The following MYRIP variants were observed in gnomAD, a reference collection of about 807,000 sequenced individuals.
The protein encoded by MYRIP is myosin VIIA and Rab interacting protein.
A neutral mutation model predicts 98.0 loss-of-function variants in MYRIP; 49 were observed. That is an observed-to-expected ratio of 0.50 (90% CI 0.40 to 0.63). The LOEUF (loss-of-function observed/expected upper bound fraction) is 0.63, where lower values mean the gene tolerates loss of function less well. Ranked by LOEUF, MYRIP falls within the 30% of genes least tolerant of loss-of-function variation. MYRIP has a pLI of 0.00. For missense variants in MYRIP, 1,004 were observed against 1,058.2 expected, an observed-to-expected ratio of 0.95 and a Z score of 0.71; for synonymous variants, 404 against 409.5, an observed-to-expected ratio of 0.99 and a Z score of 0.16.
intron 1 of MYRIP, among the ~76,000 whole-genome samples, chr3:39,869,003 T>C (rs1315311130): frequency 1.3e-5 from 2 of 152,160 alleles, no homozygotes; most frequent in Non-Finnish European, 2.9e-5. Context: ...TTTTCTTTGG[T>C]TTTTGACAGT....
chr3:40,060,845 G>A (rs1200247723), intron 3 of MYRIP, among the ~76,000 whole-genome samples: 1 of 151,846 alleles, frequency 6.6e-6, no homozygotes, highest in Non-Finnish European at 1.5e-5. Context: ...CACCTGCCTC[G>A]GCCTCCCAAA....
chr3:40,075,984 C>T (rs892472786), intron 3 of MYRIP, among the ~76,000 whole-genome samples: 3 of 152,006 alleles, frequency 2.0e-5, no homozygotes, highest in Non-Finnish European at 4.4e-5. Flanking sequence ...TCACTTGAGC[C>T]CAGGAGTTCG....
intron 1 of MYRIP, among the ~76,000 whole-genome samples, chr3:39,812,652 T>C (rs79190983): frequency 0.014 from 2,073 of 152,358 alleles, 53 homozygotes; most frequent in African/African-American, 0.046. Context: ...AGGAAGTATT[T>C]TGAATTCCTC....
At chr3:40,208,626 T>TC (rs1951842951) in intron 10 of MYRIP, among the ~76,000 whole-genome samples, 1 of 152,242 alleles carries the variant, frequency 6.6e-6, no homozygotes, top group African/African-American at 2.4e-5. Flanking sequence ...AAGGTCCTTG[T>TC]ACCATCTCAA....
chr3:40,218,612 TTATATATATATATATATATATATATATA>T (rs751894190), intron 11 of MYRIP, among the ~76,000 whole-genome samples: 3 of 13,562 alleles, frequency 2.2e-4, no homozygotes, highest in African/African-American at 3.8e-4. Context: ...TATATATATT[TTATATATATATATATATATATATATATA>T]TATATATATA....
chr3:40,178,369 G>T (rs897672118), intron 8 of MYRIP, among the ~76,000 whole-genome samples: 1 of 152,186 alleles, frequency 6.6e-6, no homozygotes, highest in Non-Finnish European at 1.5e-5. Flanking sequence ...GGGACCAGTT[G>T]GTTCACGTGG....
intron 3 of MYRIP, among the ~76,000 whole-genome samples, chr3:40,107,383 A>T (rs1949069396): frequency 6.6e-6 from 1 of 152,210 alleles, no homozygotes; most frequent in Non-Finnish European, 1.5e-5. Context: ...GGGCCCCATA[A>T]ATTATGCTAC....
At chr3:40,077,246 A>G (rs1044570464) in intron 3 of MYRIP, among the ~76,000 whole-genome samples, 4 of 152,152 alleles carry the variant, frequency 2.6e-5, no homozygotes, top group Non-Finnish European at 4.4e-5. Context: ...AAAGAGCGAA[A>G]GAACAAAGCT....
intron 3 of MYRIP, among the ~76,000 whole-genome samples, chr3:40,055,300 T>A (rs1399711865): frequency 6.6e-6 from 1 of 152,152 alleles, no homozygotes; most frequent in Non-Finnish European, 1.5e-5. Context: ...ATGCTACAAA[T>A]GTGCTTTAAG....
At chr3:39,873,698 A>G (rs1306222814) in intron 1 of MYRIP, among the ~76,000 whole-genome samples, 12 of 151,004 alleles carry the variant, frequency 7.9e-5, no homozygotes, top group Non-Finnish European at 1.3e-4. Flanking sequence ...ATTGATCTAT[A>G]TCTCTGTTTT....
intron 3 of MYRIP, among the ~76,000 whole-genome samples, chr3:40,133,845 A>G (rs931105224): frequency 1.3e-5 from 2 of 152,232 alleles, no homozygotes; most frequent in Non-Finnish European, 2.9e-5. Context: ...TATAAGTCAT[A>G]TAGATTCGAC....
intron 3 of MYRIP, among the ~76,000 whole-genome samples, chr3:40,066,762 G>C (rs1250518245): frequency 6.6e-6 from 1 of 152,196 alleles, no homozygotes; most frequent in African/African-American, 2.4e-5. Context: ...TTATGTTATA[G>C]GAGCAAATGA....
intron 1 of MYRIP, among the ~76,000 whole-genome samples, chr3:39,853,089 T>C (rs1315201503): frequency 2.0e-5 from 3 of 152,188 alleles, no homozygotes; most frequent in Non-Finnish European, 4.4e-5. Context: ...GCCTATTTCA[T>C]TCTTTTTTAT....
At chr3:40,157,907 T>C (rs547894945) in intron 4 of MYRIP, among the ~76,000 whole-genome samples, 85 of 152,330 alleles carry the variant, frequency 5.6e-4, no homozygotes, top group Non-Finnish European at 1.0e-3. Flanking sequence ...TTAGTCTTGC[T>C]AGCGATTTAT....
In MYRIP at chr3:39,877,093, G is replaced by C. The variant is rs917736110; in HGVS notation, c.-30-23694G>C. Among the ~76,000 whole-genome samples the C allele has an allele frequency of 1.6e-4, 24 of 152,000 alleles. 1 individual carries two copies. The highest frequency in any genetic ancestry group is 7.2e-4 in the Admixed American group (11 of 15,252). On this transcript the variant is annotated intron_variant, in intron 1 of 16. Transcript: ENST00000302541. ...CCTTCTCGCTTCATTTCATTCATTT[G>C]ATCTTCCATCACTGATACCCTTTCT... is the stretch of plus-strand genomic sequence containing the variant.
chr3:40,144,675 G>A (rs144984890), intron 3 of MYRIP, among the ~76,000 whole-genome samples: 19 of 152,330 alleles, frequency 1.2e-4, no homozygotes, highest in South Asian at 6.2e-4. Context: ...CCCAGAGGGC[G>A]TGATTTCTAG....
At chr3:40,045,898 G>T (rs1460630441) in intron 3 of MYRIP, among the ~76,000 whole-genome samples, 1 of 152,074 alleles carries the variant, frequency 6.6e-6, no homozygotes, top group Non-Finnish European at 1.5e-5. Context: ...AAATGAAGGG[G>T]TCAGTCAGCC....
At chr3:40,202,722 T>C (rs1951602191) in intron 10 of MYRIP, among the ~76,000 whole-genome samples, 1 of 152,062 alleles carries the variant, frequency 6.6e-6, no homozygotes, top group African/African-American at 2.4e-5. Context: ...AGTGTGACCT[T>C]GGGCAGTGCA....
At chr3:40,107,967 C>T (rs1799414) in intron 3 of MYRIP, among the ~76,000 whole-genome samples, 1 of 152,096 alleles carries the variant, frequency 6.6e-6, no homozygotes, top group Non-Finnish European at 1.5e-5. Flanking sequence ...CAACTGCATC[C>T]GTGTCCCACA....
Sources: gnomAD v4.1 joint callset for allele counts (sites outside exome capture counted in the v4.1 genomes callset) on GRCh38, gnomAD v4.1.1 for gene constraint, MANE v1.5 for transcripts, NCBI Gene and HGNC (gene_info 2026-07-23, HGNC 2026-07-21) for gene names.